NHS: variants seen among roughly 807,000 people sequenced by gnomAD.
NHS encodes the protein NHS actin remodeling regulator.
A neutral mutation model predicts 72.5 loss-of-function variants in NHS; 5 were observed. The observed-to-expected ratio is 0.07, with a 90% CI of 0.04 to 0.14. The LOEUF is 0.14. Among genes scored for constraint, NHS ranks in the 10% least tolerant of loss-of-function variants. The pLI is 1.00. For missense variants in NHS, 1,072 were observed against 1,355.7 expected (o/e 0.79, Z 3.29); for synonymous variants, 464 against 547.7 (o/e 0.85, Z 2.13).
chrX:17,723,726 G>GGTGTGTGTGTGT (rs3222310), intron 5 of NHS, among the ~76,000 whole-genome samples: 3,377 of 70,956 alleles, frequency 0.048, 104 homozygotes, highest in East Asian at 0.1. Flanking sequence ...CAGCAAAAGA[G>GGTGTGTGTGTGT]GTGTGTGTGT....
intron 1 of NHS, among the ~76,000 whole-genome samples, chrX:17,499,764 C>T (rs1471529341): frequency 4.5e-5 from 5 of 111,768 alleles, no homozygotes; most frequent in South Asian, 7.6e-4. Flanking sequence ...TGGCTCTCAT[C>T]GGCCAAGGAG....
At chrX:17,402,153 T>C (rs1447012160) in intron 1 of NHS, among the ~76,000 whole-genome samples, 1 of 111,137 alleles carries the variant, frequency 9.0e-6, no homozygotes, top group African/African-American at 3.3e-5. Context: ...ATCATACCCA[T>C]TGGGAAGGAT....
At chrX:17,616,428 A>G (rs2065747614) in intron 1 of NHS, among the ~76,000 whole-genome samples, 1 of 112,922 alleles carries the variant, frequency 8.9e-6, no homozygotes. Flanking sequence ...ACAATGCAAA[A>G]CACAGATGTC....
chrX:17,647,081 C>T (rs1317538357), intron 1 of NHS, among the ~76,000 whole-genome samples: 1 of 111,353 alleles, frequency 9.0e-6, no homozygotes, highest in Admixed American at 9.5e-5. Flanking sequence ...CTAGAGGGCA[C>T]TGGGAGAAAG....
At chrX:17,683,209 G>GT (rs1189263171) in intron 1 of NHS, among the ~76,000 whole-genome samples, 4 of 112,128 alleles carry the variant, frequency 3.6e-5, no homozygotes, top group Non-Finnish European at 7.5e-5. Flanking sequence ...GTGGTTATCT[G>GT]TTTGTGGTGT....
intron 1 of NHS, among the ~76,000 whole-genome samples, chrX:17,598,534 C>T (rs1463069682): frequency 9.0e-6 from 1 of 111,608 alleles, no homozygotes; most frequent in Non-Finnish European, 1.9e-5. Context: ...CAAATATTAA[C>T]CTATTAGATT....
chrX:17,480,049 A>C (rs914836917), intron 1 of NHS, among the ~76,000 whole-genome samples: 8 of 111,663 alleles, frequency 7.2e-5, no homozygotes, highest in Admixed American at 3.8e-4. Flanking sequence ...AGAGAATAAA[A>C]TACCTAGGAA....
intron 1 of NHS, among the ~76,000 whole-genome samples, chrX:17,644,267 A>T (rs1227544547): frequency 9.0e-6 from 1 of 111,061 alleles, no homozygotes; most frequent in Non-Finnish European, 1.9e-5. Flanking sequence ...CCTTTCTTGC[A>T]CCTTGGAATG....
chrX:17,554,527 CCTGGTCTCAGCT>C (rs1601766595), intron 1 of NHS, among the ~76,000 whole-genome samples: 1 of 112,713 alleles, frequency 8.9e-6, no homozygotes, highest in African/African-American at 3.2e-5. Context: ...GCAGTCCCTG[CCTGGTCTCAGCT>C]CTGGACTGTC....
intron 1 of NHS, among the ~76,000 whole-genome samples, chrX:17,630,474 C>T (rs912691351): frequency 9.1e-6 from 1 of 109,333 alleles, no homozygotes; most frequent in Non-Finnish European, 1.9e-5. Context: ...GGTCCTCCAG[C>T]TGCTGTGAGT....
At chrX:17,585,420 G>A (rs1387202585) in intron 1 of NHS, among the ~76,000 whole-genome samples, 1 of 111,783 alleles carries the variant, frequency 8.9e-6, no homozygotes, top group South Asian at 3.7e-4. Context: ...ACCTTTAGGG[G>A]TATGGCAAAC....
At chrX:17,635,457 C>G (rs780503351) in intron 1 of NHS, 32 of 1,164,777 alleles carry the variant, frequency 2.7e-5, no homozygotes, top group African/African-American at 1.1e-4. Context: ...TCCATCCCCC[C>G]CGCCGTGCTT....
At chrX:17,538,570 T>C (rs2065244511) in intron 1 of NHS, among the ~76,000 whole-genome samples, 1 of 111,537 alleles carries the variant, frequency 9.0e-6, no homozygotes, top group African/African-American at 3.3e-5. Context: ...CTCCCAGAGA[T>C]GTTGAGTCCT....
intron 1 of NHS, among the ~76,000 whole-genome samples, chrX:17,430,722 A>G (rs1465571905): frequency 8.9e-6 from 1 of 111,862 alleles, no homozygotes; most frequent in Non-Finnish European, 1.9e-5. Context: ...ATGCAGTCAC[A>G]CAATATGTGA....
intron 1 of NHS, among the ~76,000 whole-genome samples, chrX:17,596,503 A>T (rs2065624740): frequency 8.9e-6 from 1 of 112,169 alleles, no homozygotes; most frequent in African/African-American, 3.2e-5. Flanking sequence ...TTTAATCAAC[A>T]GGCAGGAAAC....
chrX:17,663,438 A>T (rs1371102026), intron 1 of NHS, among the ~76,000 whole-genome samples: 1 of 112,000 alleles, frequency 8.9e-6, no homozygotes, highest in African/African-American at 3.2e-5. Context: ...TATCATATAG[A>T]TTAGATTCAC....
chrX:17,621,998 C>A (rs1396188022), intron 1 of NHS, among the ~76,000 whole-genome samples: 3 of 111,964 alleles, frequency 2.7e-5, no homozygotes, highest in Non-Finnish European at 5.6e-5. Context: ...GTGTAATAGC[C>A]ATCAATACCT....
chrX:17,724,758 CTTAAT>C (rs1350817867), intron 6 of NHS, among the ~76,000 whole-genome samples: 2 of 111,794 alleles, frequency 1.8e-5, no homozygotes, highest in African/African-American at 6.5e-5. Context: ...AAAATTGTAA[CTTAAT>C]TTAAGAGAGA....
chrX:17,616,048 C>T (rs2065744810), intron 1 of NHS, among the ~76,000 whole-genome samples: 1 of 112,746 alleles, frequency 8.9e-6, no homozygotes, highest in Non-Finnish European at 1.9e-5. Context: ...CCCACTATAG[C>T]AACCAGCTAG....
Sources: gnomAD v4.1 joint callset for allele counts (sites outside exome capture counted in the v4.1 genomes callset) on GRCh38, gnomAD v4.1.1 for gene constraint, MANE v1.5 for transcripts, NCBI Gene and HGNC (gene_info 2026-07-23, HGNC 2026-07-21) for gene names.